The following MAP2K3 variants were observed in gnomAD, a reference collection of about 807,000 sequenced individuals.
MAP2K3 encodes the protein mitogen-activated protein kinase kinase 3.
Under a neutral mutation model 46.4 loss-of-function variants are expected in MAP2K3, and 30 were observed. The ratio of observed to expected loss-of-function variants is 0.65; its 90% CI spans 0.48 to 0.88. The LOEUF is 0.88. Ranked by LOEUF, MAP2K3 falls within the 40% of genes least tolerant of loss-of-function variation. The pLI is 0.00. For missense variants in MAP2K3, 380 were observed against 464.5 expected (o/e 0.82, Z 1.67); for synonymous variants, 189 against 176.3 (o/e 1.07, Z -0.57).
In MAP2K3 at chr17:21,304,522, C is replaced by G. The variant is rs58609466; in HGVS notation, c.665C>G (p.Thr222Arg). 1.9e-6 allele frequency: 3 copies of G among 1,596,702 alleles called. No individual in the cohort carries two copies. The highest frequency in any genetic ancestry group is 4.5e-5 in the East Asian group (2 of 44,322). ...SGYLVDSVAK[T>R]MDAGCKPYMA... ...TACTTGGTGGACTCTGTGGCCAAGA[C>G]GATGGATGCCGGCTGCAAGCCCTAC... is the stretch of plus-strand genomic sequence containing the variant. Residue 222 changes from threonine (T) to arginine (R), a missense_variant, in exon 8 of 12, where the codon ACG becomes AGG. Physicochemically the swap from Thr to Arg is moderately conservative, Grantham distance 71 (BLOSUM62 -1). Coordinates refer to ENST00000342679, the MANE Select transcript of MAP2K3 (RefSeq NM_145109.3).
intron 1 of MAP2K3, chr17:21,288,107 C>G: frequency 3.1e-6 from 4 of 1,288,728 alleles, no homozygotes; most frequent in Non-Finnish European, 4.0e-6. Context: ...TCAGCGGGCA[C>G]TGGGTGCTGA....
At chr17:21,302,486 A>C (rs1339424125) in intron 6 of MAP2K3, among the ~76,000 whole-genome samples, 3 of 152,310 alleles carry the variant, frequency 2.0e-5, no homozygotes, top group Non-Finnish European at 4.4e-5. Context: ...AGCCCCACAG[A>C]TTTGGCAGAT....
Position 21,300,538 on chromosome 17 carries a change from C to T in MAP2K3, c.166-7C>T, listed in dbSNP as rs761441750. The T allele has an allele frequency of 2.5e-6, 4 of 1,604,070 alleles. No individual in the cohort carries two copies. The highest frequency in any genetic ancestry group is 3.4e-6 in the Non-Finnish European group (4 of 1,175,354). On this transcript the variant is annotated splice_polypyrimidine_tract_variant and splice_region_variant and intron_variant, in intron 3 of 11. Coordinates refer to ENST00000342679, the MANE Select transcript of MAP2K3 (RefSeq NM_145109.3). ...CTGGCCACTGACTCTCTTTTCCATCCTTCAAGAACTTTGAGGTGGAGGCTG... is the reference window on the plus strand; with the variant it reads ...CTGGCCACTGACTCTCTTTTCCATCTTTCAAGAACTTTGAGGTGGAGGCTG...
intron 1 of MAP2K3, chr17:21,295,722 A>C: frequency 7.8e-7 from 1 of 1,289,574 alleles, no homozygotes; most frequent in Non-Finnish European, 1.0e-6. Context: ...GCCTGCGAGG[A>C]GCGTGGTCCC....
At position 21,304,374 on chromosome 17, in the gene MAP2K3, T is replaced by A. The variant is rs371993735; in HGVS notation, c.569-52T>A. On this transcript the variant is annotated intron_variant, in intron 7 of 11. Coordinates refer to ENST00000342679, the MANE Select transcript of MAP2K3 (RefSeq NM_145109.3). ...GCACAGCTATGCAGAGCATGGCACC[T>A]GCCTCCAGTCGTGCTCCACAGACGT... is the stretch of plus-strand genomic sequence containing the variant. The A allele has an allele frequency of 9.6e-5, 155 of 1,613,924 alleles. No homozygotes were observed. The African/African-American group carries it at 1.7e-3, about 17-fold the overall frequency.
chr17:21,304,097 A>T (rs59605167), intron 7 of MAP2K3, among the ~76,000 whole-genome samples: 1,117 of 152,398 alleles, frequency 7.3e-3, no homozygotes, highest in South Asian at 0.012. Flanking sequence ...CCAGGCTCTC[A>T]CTGGACCTCA....
intron 1 of MAP2K3, among the ~76,000 whole-genome samples, chr17:21,296,564 A>G (rs1426382885): frequency 4.6e-5 from 7 of 152,312 alleles, no homozygotes; most frequent in East Asian, 1.9e-4. Flanking sequence ...CTGCGAGTCA[A>G]TAAACTCAGG....
At chr17:21,297,166 C>T (rs56381515) in intron 1 of MAP2K3, among the ~76,000 whole-genome samples, 7,239 of 149,468 alleles carry the variant, frequency 0.048, no homozygotes, top group Non-Finnish European at 0.073. Flanking sequence ...GCTGGGTTGG[C>T]TGCTGGGCCC....
intron 4 of MAP2K3, 22 bp from the exon 5 acceptor site, chr17:21,300,852 G>T (rs1976555755): frequency 6.2e-7 from 1 of 1,613,816 alleles, no homozygotes; most frequent in Non-Finnish European, 8.5e-7. Context: ...GGCAACCTCT[G>T]AATGGCAGTC....
intron 7 of MAP2K3, among the ~76,000 whole-genome samples, chr17:21,303,622 C>T (rs570164611): frequency 6.6e-6 from 1 of 152,430 alleles, no homozygotes; most frequent in Admixed American, 6.5e-5. Context: ...TGCCATCCCC[C>T]ATGTGCCTAA....
At chr17:21,294,694 A>G (rs1976141125) in intron 1 of MAP2K3, among the ~76,000 whole-genome samples, 1 of 152,308 alleles carries the variant, frequency 6.6e-6, no homozygotes, top group African/African-American at 2.4e-5. Flanking sequence ...GAGAGGGTGG[A>G]CAGGGGTGGT....
At chr17:21,305,451 G>A (rs1323528832) in intron 9 of MAP2K3, among the ~76,000 whole-genome samples, 1 of 152,280 alleles carries the variant, frequency 6.6e-6, no homozygotes, top group Admixed American at 6.5e-5. Context: ...TCATGCAAAA[G>A]CAAGATGGTA....
At chr17:21,285,311 C>T in intron 1 of MAP2K3, 9 of 985,096 alleles carry the variant, frequency 9.1e-6, no homozygotes, top group Non-Finnish European at 1.1e-5. Flanking sequence ...CAGTCTTCTC[C>T]CTCAGCGGGA....
intron 10 of MAP2K3, 56 bp from the exon 11 acceptor site, chr17:21,313,436 T>C (rs1977256196): frequency 2.0e-6 from 3 of 1,537,810 alleles, no homozygotes; most frequent in Non-Finnish European, 2.7e-6. Flanking sequence ...GGCTGGCCCT[T>C]GGGGGCTGGG....
intron 1 of MAP2K3, among the ~76,000 whole-genome samples, chr17:21,294,959 T>G (rs1976156333): frequency 6.6e-6 from 1 of 152,310 alleles, no homozygotes; most frequent in African/African-American, 2.4e-5. Flanking sequence ...ACTGGCTCTC[T>G]GAGATGGTAA....
intron 9 of MAP2K3, among the ~76,000 whole-genome samples, chr17:21,310,391 C>G (rs889007982): frequency 6.6e-6 from 1 of 152,238 alleles, no homozygotes; most frequent in African/African-American, 2.4e-5. Context: ...GTCACCCTGT[C>G]TGCTGATGTG....
intron 9 of MAP2K3, among the ~76,000 whole-genome samples, chr17:21,305,717 G>A (rs1343421173): frequency 2.6e-5 from 4 of 152,310 alleles, no homozygotes; most frequent in Non-Finnish European, 4.4e-5. Flanking sequence ...TCAGGTCAAG[G>A]TGTGGGTGAG....
At chr17:21,307,727 G>C (rs1484390289) in intron 9 of MAP2K3, among the ~76,000 whole-genome samples, 1 of 149,916 alleles carries the variant, frequency 6.7e-6, no homozygotes, top group Admixed American at 6.7e-5. Context: ...GCCCAGGCTG[G>C]AGTGCAATGG....
intron 1 of MAP2K3, among the ~76,000 whole-genome samples, chr17:21,298,091 G>C (rs1208542745): frequency 6.6e-6 from 1 of 152,312 alleles, no homozygotes; most frequent in Non-Finnish European, 1.5e-5. Context: ...TGACTAGTCA[G>C]GCAGGGCAGT....
Sources: allele counts gnomAD v4.1 joint callset (sites outside exome capture counted in the v4.1 genomes callset), GRCh38; gene constraint gnomAD v4.1.1; transcripts MANE v1.5; gene names NCBI Gene and HGNC (gene_info 2026-07-23, HGNC 2026-07-21).